Variants in STX16 observed in about 807,000 individuals in gnomAD.
STX16 encodes the protein syntaxin 16, also known as syntaxin-16.
Under a neutral mutation model 42.7 loss-of-function variants are expected in STX16, and 28 were observed. The ratio of observed to expected loss-of-function variants is 0.66; its 90% CI spans 0.49 to 0.90. STX16 has a LOEUF of 0.90. Among genes scored for constraint, STX16 ranks in the 40% least tolerant of loss-of-function variants. The pLI is 0.00. For missense variants in STX16, 361 were observed against 420.9 expected (o/e 0.86, Z 1.24); for synonymous variants, 156 against 155.2 (o/e 1.00, Z -0.04).
At position 58,675,305 on chromosome 20, in the gene STX16, G is replaced by A. The variant is rs545630676; in HGVS notation, c.874-882G>A. 2.0e-5 allele frequency among the ~76,000 whole-genome samples: 3 copies of A among 152,284 alleles called. No homozygotes were observed. The East Asian group carries it at 5.8e-4, about 29-fold the overall frequency. On this transcript the variant is annotated intron_variant, in intron 8 of 8. Transcript: ENST00000371141. ...CCATTCTCGCCAGGGCTGCCTTCCC[G>A]CTGTCTCCTCCTCCCTCCTGTGCCA...
rs1467692777 is a variant in STX16 at position 58,679,367 on chromosome 20, T to C, written c.*3076T>C. 1 of 152,680 alleles carries C rather than the reference T, an allele frequency of 6.5e-6. No homozygotes were observed. The highest frequency in any genetic ancestry group is 6.5e-5 in the Admixed American group (1 of 15,290). 9.5% of individuals were successfully genotyped at this position (152,680 alleles called of 1,614,324 possible). Reference sequence around the variant, plus strand: ...AACGTAATTGGTCAGATAAAACTTTTTTTCTTGTATGCTTAAATAAAGCAA... The same window carrying C: ...AACGTAATTGGTCAGATAAAACTTTCTTTCTTGTATGCTTAAATAAAGCAA... On this transcript the variant is annotated 3_prime_UTR_variant, in exon 9 of 9. Transcript: ENST00000371141.
Position 58,673,660 on chromosome 20 carries a change from C to T in STX16, c.822C>T (p.Asn274=), listed in dbSNP as rs780138205. ...QGTVLDRIDY[N]VEQSCIKTED... ...CAGTCCTTGACAGAATTGACTATAA[C>T]GTTGAACAGTCCTGTATCAAAACTG... Residue 274 remains asparagine (N), a synonymous_variant, in exon 8 of 9, where the codon AAC becomes AAT. Coordinates refer to ENST00000371141, the MANE Select transcript of STX16 (RefSeq NM_001001433.3). 1.2e-5 allele frequency: 20 copies of T among 1,613,166 alleles called. No homozygotes were observed. Among genetic ancestry groups the T allele is most frequent in the Middle Eastern group, 1.6e-4 (1 of 6,080 alleles).
chr20:58,656,074 G>A (rs1003761207), intron 1 of STX16, among the ~76,000 whole-genome samples: 6 of 152,296 alleles, frequency 3.9e-5, no homozygotes, highest in Admixed American at 6.5e-5. Context: ...TGAGGCCTAA[G>A]TCCTGTTCTG....
In STX16 at chr20:58,668,006, G is replaced by A. The variant is rs201383880; in HGVS notation, c.272G>A (p.Arg91Gln). ...GVDEIQYDVG[R>Q]IKQKMKELAS... is the part of the protein sequence containing the mutation. ...GCTTAGATTCAGTATGATGTTGGCC[G>A]GATTAAGCAGAAGATGAAAGAATTG... The change falls in exon 4 of 9, where the codon CGG becomes CAG. Residue 91 changes from arginine (R) to glutamine (Q), a missense_variant. Transcript: ENST00000371141. 6.6e-5 allele frequency: 107 copies of A among 1,614,050 alleles called. No individual in the cohort carries two copies. The highest frequency in any genetic ancestry group is 1.3e-4 in the Admixed American group (8 of 60,004).
In STX16 at chr20:58,676,378, G is replaced by A. The variant is rs1308146035; in HGVS notation, c.*87G>A. ...TGCGCCCCGCCAGCTGCCCGCAGAG[G>A]TGCAGCCTCGAGGAATCTGAGGGCG... On this transcript the variant is annotated 3_prime_UTR_variant, in exon 9 of 9. Transcript: ENST00000371141. The A allele has an allele frequency of 4.9e-6, 6 of 1,224,674 alleles. No homozygotes were observed. The Admixed American group carries it at 8.6e-5, about 18-fold the overall frequency. 75.9% of individuals were successfully genotyped at this position (1,224,674 alleles called of 1,614,324 possible).
At chr20:58,658,670 C>T (rs2122921819) in intron 1 of STX16, among the ~76,000 whole-genome samples, 1 of 152,180 alleles carries the variant, frequency 6.6e-6, no homozygotes, top group South Asian at 2.1e-4. Flanking sequence ...AATTTCACCA[C>T]TAATTATTTC....
intron 1 of STX16, chr20:58,652,371 A>ACCCCCCCCCCCCCCCCCCCCCC (rs11481928): frequency 8.7e-6 from 4 of 462,058 alleles, no homozygotes; most frequent in African/African-American, 5.2e-5. Flanking sequence ...CTTCCGCAGC[A>ACCCCCCCCCCCCCCCCCCCCCC]CCCCCCCCCC....
rs2083653106 is a variant in STX16 at position 58,659,605 on chromosome 20, G to A, written c.133-18G>A. On this transcript the variant is annotated intron_variant, in intron 1 of 8. Transcript: ENST00000371141. ...TCCCCAACTGGATGGGACTGATGGGGACAACATGTCTCTTCAGGAGCTGGA... is the reference window on the plus strand; with the variant it reads ...TCCCCAACTGGATGGGACTGATGGGAACAACATGTCTCTTCAGGAGCTGGA... 3 of 1,612,426 alleles carry A rather than the reference G, an allele frequency of 1.9e-6. No homozygotes were observed. Among genetic ancestry groups the A allele is most frequent in the Non-Finnish European group, 2.5e-6 (3 of 1,179,596 alleles).
intron 3 of STX16, 24 bp downstream of exon 3, chr20:58,667,621 G>C: frequency 6.3e-7 from 1 of 1,587,274 alleles, no homozygotes; most frequent in Non-Finnish European, 8.7e-7. Flanking sequence ...TAGTTTCATA[G>C]CATCTTGTTT....
chr20:58,661,756 A>G (rs1304122155), intron 2 of STX16, among the ~76,000 whole-genome samples: 3 of 152,318 alleles, frequency 2.0e-5, no homozygotes, highest in South Asian at 4.1e-4. Flanking sequence ...CAGTGTCCAG[A>G]GGCTTCTTTG....
chr20:58,671,403 A>G (rs1310803800), intron 7 of STX16, 106 bp downstream of exon 7: 10 of 1,092,104 alleles, frequency 9.2e-6, no homozygotes, highest in Admixed American at 4.5e-5. Context: ...AATTTTCCCA[A>G]CATGTGTGTG....
At chr20:58,675,725 G>T (rs1038108444) in intron 8 of STX16, among the ~76,000 whole-genome samples, 3 of 152,118 alleles carry the variant, frequency 2.0e-5, no homozygotes, top group Non-Finnish European at 4.4e-5. Context: ...GGCCTCTTCC[G>T]GGTGTCTGTT....
chr20:58,661,301 T>C (rs1404966832), intron 2 of STX16, among the ~76,000 whole-genome samples: 1 of 152,226 alleles, frequency 6.6e-6, no homozygotes, highest in Non-Finnish European at 1.5e-5. Flanking sequence ...TTTCCAGTCT[T>C]TCCTACTTCC....
chr20:58,658,250 A>G (rs1282746603), intron 1 of STX16, among the ~76,000 whole-genome samples: 4 of 152,256 alleles, frequency 2.6e-5, no homozygotes, highest in Admixed American at 1.3e-4. Context: ...CAAGTTAGGG[A>G]TTTTGTCTTG....
intron 2 of STX16, among the ~76,000 whole-genome samples, chr20:58,660,858 C>A (rs573898219): frequency 2.2e-4 from 33 of 150,672 alleles, no homozygotes; most frequent in African/African-American, 7.8e-4. Flanking sequence ...AACTTCCTTT[C>A]TATTGCAAAC....
At position 58,678,040 on chromosome 20, in the gene STX16, A is replaced by G. The variant is rs1017249277; in HGVS notation, c.*1749A>G. Reference sequence around the variant, plus strand: ...CAGCCCTGCAATGTGAGACTTCCGTAGCTGTTGAGAGTCACTGCAGGTGTT... The same window carrying G: ...CAGCCCTGCAATGTGAGACTTCCGTGGCTGTTGAGAGTCACTGCAGGTGTT... On this transcript the variant is annotated 3_prime_UTR_variant, in exon 9 of 9. Transcript: ENST00000371141. 1 of 152,240 alleles carries G rather than the reference A, an allele frequency of 6.6e-6. No homozygotes were observed. Among genetic ancestry groups the G allele is most frequent in the Non-Finnish European group, 1.5e-5 (1 of 68,046 alleles). 9.4% of individuals were successfully genotyped at this position (152,240 alleles called of 1,614,324 possible).
chr20:58,669,027 G>C (rs577618121), intron 4 of STX16, among the ~76,000 whole-genome samples: 2 of 152,214 alleles, frequency 1.3e-5, no homozygotes, highest in Non-Finnish European at 2.9e-5. Flanking sequence ...CAAGCATTTC[G>C]GATGAGGGAT....
rs769324515 is a variant in STX16 at position 58,671,165 on chromosome 20, G to A, written c.660G>A (p.Glu220=). The change falls in exon 7 of 9, where the codon GAG becomes GAA. Residue 220 remains glutamate, a synonymous_variant. Coordinates refer to ENST00000371141, the MANE Select transcript of STX16 (RefSeq NM_001001433.3). The part of the protein sequence containing the change: ...DNTLYHRGFT[E]DQLVLVEQNT... ...CACTGTCTTGCTAGGGTTTTACAGA[G>A]GACCAGTTAGTTCTGGTGGAGCAGA... 6.2e-7 allele frequency: 1 copy of A among 1,613,870 alleles called. No individual in the cohort carries two copies. The highest frequency in any genetic ancestry group is 8.5e-7 in the Non-Finnish European group (1 of 1,179,840).
intron 8 of STX16, among the ~76,000 whole-genome samples, chr20:58,675,078 A>G (rs551996974): frequency 1.3e-5 from 2 of 152,202 alleles, no homozygotes; most frequent in Admixed American, 6.5e-5. Flanking sequence ...CTCCAGCCAC[A>G]AGGCTGTAGG....
Sources: allele counts gnomAD v4.1 joint callset (sites outside exome capture counted in the v4.1 genomes callset), GRCh38; gene constraint gnomAD v4.1.1; transcripts MANE v1.5; gene names NCBI Gene and HGNC (gene_info 2026-07-23, HGNC 2026-07-21).